Variants in DENND1A observed in about 807,000 individuals in gnomAD.
DENND1A encodes the protein DENN domain containing 1A.
A neutral mutation model predicts 113.7 loss-of-function variants in DENND1A; 51 were observed. The observed-to-expected ratio is 0.45, with a 90% CI of 0.36 to 0.57. The LOEUF (loss-of-function observed/expected upper bound fraction) is 0.57, where lower values mean the gene tolerates loss of function less well. DENND1A is among the 20% of genes least tolerant of loss of function. The pLI is 0.00. For synonymous variants in DENND1A, 565 were observed against 570.8 expected, an observed-to-expected ratio of 0.99 and a Z score of 0.14; for missense variants, 1,258 against 1,395.9, an observed-to-expected ratio of 0.90 and a Z score of 1.57.
chr9:123,582,403 CTTTTT>C (rs1239970444), intron 12 of DENND1A, among the ~76,000 whole-genome samples: 1 of 144,172 alleles, frequency 6.9e-6, no homozygotes, highest in African/African-American at 2.5e-5. Flanking sequence ...TTCTAACTTT[CTTTTT>C]TTTTTTTTTG....
intron 12 of DENND1A, among the ~76,000 whole-genome samples, chr9:123,572,022 ACCTT>A (rs557147144): frequency 6.8e-4 from 103 of 152,342 alleles, no homozygotes; most frequent in Admixed American, 1.2e-3. Context: ...TGATTTACAT[ACCTT>A]AAGATTCACC....
chr9:123,499,178 C>T (rs984529541), intron 13 of DENND1A, among the ~76,000 whole-genome samples: 3 of 152,054 alleles, frequency 2.0e-5, no homozygotes, highest in African/African-American at 7.2e-5. Context: ...GGATTACAGG[C>T]ACACGCCACC....
chr9:123,812,149 T>C (rs1177281952), intron 2 of DENND1A, among the ~76,000 whole-genome samples: 1 of 152,236 alleles, frequency 6.6e-6, no homozygotes, highest in Non-Finnish European at 1.5e-5. Flanking sequence ...CTGTTGTACG[T>C]TTAATATATA....
intron 19 of DENND1A, among the ~76,000 whole-genome samples, chr9:123,412,757 C>T (rs973907592): frequency 5.9e-5 from 9 of 152,174 alleles, no homozygotes; most frequent in Admixed American, 2.0e-4. Flanking sequence ...AAAATTCACG[C>T]GAGACCCAGG....
At chr9:123,610,471 C>T (rs2060366968) in intron 10 of DENND1A, among the ~76,000 whole-genome samples, 1 of 152,196 alleles carries the variant, frequency 6.6e-6, no homozygotes, top group African/African-American at 2.4e-5. Flanking sequence ...GTATGCATTT[C>T]TTCCTTTGTG....
At chr9:123,794,186 T>G (rs928234319) in intron 2 of DENND1A, among the ~76,000 whole-genome samples, 3 of 152,068 alleles carry the variant, frequency 2.0e-5, no homozygotes, top group African/African-American at 7.2e-5. Flanking sequence ...GGAAAAGGAC[T>G]AGGCTGGCGG....
chr9:123,684,178 C>A (rs1291296008), intron 5 of DENND1A, among the ~76,000 whole-genome samples: 1 of 152,142 alleles, frequency 6.6e-6, no homozygotes, highest in African/African-American at 2.4e-5. Flanking sequence ...AGGCTGATGA[C>A]AATCATCTGA....
At chr9:123,498,851 T>C (rs1283731691) in intron 13 of DENND1A, among the ~76,000 whole-genome samples, 1 of 152,044 alleles carries the variant, frequency 6.6e-6, no homozygotes, top group Non-Finnish European at 1.5e-5. Context: ...GCCTCTCCAG[T>C]AGCTGGGATT....
chr9:123,623,675 C>T (rs78773066), intron 10 of DENND1A, among the ~76,000 whole-genome samples: 7,716 of 152,264 alleles, frequency 0.051, 215 homozygotes, highest in South Asian at 0.059. Flanking sequence ...GATTGTATGT[C>T]GTATTTGTGA....
rs2045408016 is a variant in DENND1A at position 123,422,770 on chromosome 9, T to C, written c.1489-10941A>G. On this transcript the variant is annotated intron_variant, in intron 19 of 23. Transcript: ENST00000394215. The surrounding 1 kb of genome is among the most constrained non-coding windows in gnomAD (Gnocchi z 4.8). ...CAATGTGTGTTTGACAGGACTGACA[T>C]TTTGTACTGCTGTGAGATGGGAAAA... Among the ~76,000 whole-genome samples, 1 of 152,178 alleles carries C rather than the reference T, an allele frequency of 6.6e-6. No individual in the cohort carries two copies. The highest frequency in any genetic ancestry group is 1.5e-5 in the Non-Finnish European group (1 of 68,036).
chr9:123,672,606 T>C (rs1472065198), intron 6 of DENND1A, among the ~76,000 whole-genome samples: 1 of 152,152 alleles, frequency 6.6e-6, no homozygotes, highest in Non-Finnish European at 1.5e-5. Context: ...GCAGGACCTT[T>C]AAGAGTGAGT....
chr9:123,436,558 T>C (rs1254740665), intron 19 of DENND1A, among the ~76,000 whole-genome samples: 1 of 152,210 alleles, frequency 6.6e-6, no homozygotes, highest in Non-Finnish European at 1.5e-5. Context: ...AAAGCCTCTC[T>C]AAACTGCGAC....
chr9:123,644,021 A>C (rs116339275), intron 9 of DENND1A, among the ~76,000 whole-genome samples: 1 of 152,304 alleles, frequency 6.6e-6, no homozygotes, highest in Admixed American at 6.5e-5. Context: ...ACCAAGAAGG[A>C]AGTATGAGGC....
intron 1 of DENND1A, chr9:123,928,802 C>T (rs1277085375): frequency 2.0e-6 from 2 of 985,332 alleles, no homozygotes; most frequent in African/African-American, 1.7e-5. Flanking sequence ...TTTCAAACTT[C>T]CCTAGTACAA....
chr9:123,457,967 T>A, intron 13 of DENND1A, 70 bp from the exon 14 acceptor site: 1 of 1,230,988 alleles, frequency 8.1e-7, no homozygotes, highest in Non-Finnish European at 1.1e-6. Flanking sequence ...AAATTCCTAT[T>A]TGCAGAGTTT....
chr9:123,676,810 A>G (rs1033714677), intron 5 of DENND1A, 21 bp from the exon 6 acceptor site: 3 of 1,611,368 alleles, frequency 1.9e-6, no homozygotes, highest in Non-Finnish European at 1.7e-6. Flanking sequence ...AAGAGGAAAC[A>G]CATGAAATAT....
intron 13 of DENND1A, among the ~76,000 whole-genome samples, chr9:123,477,813 T>A (rs2050035241): frequency 6.6e-6 from 1 of 152,034 alleles, no homozygotes; most frequent in African/African-American, 2.4e-5. Flanking sequence ...CCCTTTTAAA[T>A]GAAATTGCTT....
intron 1 of DENND1A, among the ~76,000 whole-genome samples, chr9:123,921,019 T>A (rs565433607): frequency 6.6e-6 from 1 of 152,290 alleles, no homozygotes; most frequent in South Asian, 2.1e-4. Context: ...TTCAAACAAA[T>A]TCAGTGAAAT....
chr9:123,456,225 G>C (rs1249657900), intron 15 of DENND1A, among the ~76,000 whole-genome samples: 3 of 140,148 alleles, frequency 2.1e-5, no homozygotes, highest in African/African-American at 7.4e-5. Flanking sequence ...TATCACAGTA[G>C]TCCAGAATAG....
Sources: gnomAD v4.1 joint callset for allele counts (sites outside exome capture counted in the v4.1 genomes callset) on GRCh38, gnomAD v4.1.1 for gene constraint, Gnocchi (gnomAD v3.1) non-coding constraint, MANE v1.5 for transcripts, NCBI Gene and HGNC (gene_info 2026-07-23, HGNC 2026-07-21) for gene names.